ADAMTSL1: variants seen among roughly 807,000 people sequenced by gnomAD.
ADAMTSL1 encodes ADAMTS-like protein 1.
A neutral mutation model predicts 201.8 loss-of-function variants in ADAMTSL1; 126 were observed. The observed-to-expected ratio is 0.62, with a 90% CI of 0.54 to 0.72. ADAMTSL1 has a LOEUF of 0.72. ADAMTSL1 is among the 30% of genes least tolerant of loss of function. The pLI is 0.00. For missense variants in ADAMTSL1, 2,679 were observed against 2,277.8 expected (o/e 1.18, Z -3.59); for synonymous variants, 1,121 against 903.4 (o/e 1.24, Z -4.32).
chr9:18,684,899 T>G, intron 13 of ADAMTSL1, 99 bp downstream of exon 13: 1 of 1,451,296 alleles, frequency 6.9e-7, no homozygotes, highest in Middle Eastern at 1.9e-4. Flanking sequence ...CTGAACTAAG[T>G]GTAATCATCT....
intron 9 of ADAMTSL1, 21 bp downstream of exon 9, chr9:18,662,094 C>T: frequency 3.1e-6 from 5 of 1,607,204 alleles, no homozygotes; most frequent in Non-Finnish European, 3.4e-6. Context: ...TTTGCTAGTT[C>T]ATTTGTCATA....
chr9:18,629,254 A>G (rs1296704114), intron 5 of ADAMTSL1, among the ~76,000 whole-genome samples: 1 of 151,596 alleles, frequency 6.6e-6, no homozygotes. Flanking sequence ...TTGTAGTCTT[A>G]TTGTACTGGC....
chr9:18,810,804 T>C (rs1823453093), intron 20 of ADAMTSL1, among the ~76,000 whole-genome samples: 1 of 152,042 alleles, frequency 6.6e-6, no homozygotes, highest in African/African-American at 2.4e-5. Context: ...ATAGTTACAC[T>C]TTTCCCTATT....
intron 13 of ADAMTSL1, among the ~76,000 whole-genome samples, chr9:18,694,863 C>T (rs1255350482): frequency 1.3e-5 from 2 of 152,222 alleles, no homozygotes; most frequent in Non-Finnish European, 2.9e-5. Flanking sequence ...TCCATGAGGT[C>T]TCTGTTCCTG....
chr9:18,118,792 G>A (rs965369156), intron 1 of ADAMTSL1, among the ~76,000 whole-genome samples: 3 of 152,150 alleles, frequency 2.0e-5, no homozygotes, highest in African/African-American at 7.2e-5. Flanking sequence ...AAACGCATAT[G>A]CCTTTATTCG....
At position 18,637,445 on chromosome 9, in the gene ADAMTSL1, A is replaced by G. The variant is rs1332705; in HGVS notation, c.676+1428A>G. Among the ~76,000 whole-genome samples, 51 of 152,298 alleles carry G rather than the reference A, an allele frequency of 3.3e-4. No individual in the cohort carries two copies. In the South Asian group the frequency reaches 0.01, roughly 31 times the overall value. ...GGGGACTGACTCTTCATTGCGGAAG[A>G]AAGAACCCATAGGAGTAGATTTAAG... On this transcript the variant is annotated intron_variant, in intron 6 of 28. Transcript: ENST00000380548.
At chr9:18,099,355 A>ATATAT (rs1239180390) in intron 1 of ADAMTSL1, among the ~76,000 whole-genome samples, 48 of 45,546 alleles carry the variant, frequency 1.1e-3, no homozygotes, top group South Asian at 2.5e-3. Flanking sequence ...ATATATATAT[A>ATATAT]TTTTTTTTTT....
intron 19 of ADAMTSL1, among the ~76,000 whole-genome samples, chr9:18,782,541 G>A (rs890114887): frequency 2.0e-5 from 3 of 152,312 alleles, no homozygotes; most frequent in Non-Finnish European, 4.4e-5. Context: ...CTTTACGGCT[G>A]TATGCCCAGT....
At chr9:18,195,212 C>T (rs542333366) in intron 2 of ADAMTSL1, among the ~76,000 whole-genome samples, 1 of 152,226 alleles carries the variant, frequency 6.6e-6, no homozygotes, top group African/African-American at 2.4e-5. Context: ...TTCACTAGTT[C>T]TTCAATGGAA....
intron 2 of ADAMTSL1, among the ~76,000 whole-genome samples, chr9:18,267,782 A>AAAAAC (rs1554647422): frequency 4.0e-5 from 6 of 148,880 alleles, no homozygotes; most frequent in Admixed American, 3.6e-4. Context: ...AAACAAAAAC[A>AAAAAC]AAAACAAAAA....
At chr9:18,710,079 C>G (rs1256341721) in intron 14 of ADAMTSL1, among the ~76,000 whole-genome samples, 1 of 152,172 alleles carries the variant, frequency 6.6e-6, no homozygotes, top group African/African-American at 2.4e-5. Flanking sequence ...CATGGGCCAA[C>G]TCTACTGTGA....
intron 2 of ADAMTSL1, among the ~76,000 whole-genome samples, chr9:18,364,980 C>T (rs949850159): frequency 3.9e-5 from 6 of 152,098 alleles, no homozygotes; most frequent in Non-Finnish European, 1.5e-5. Context: ...CCTCCAACAC[C>T]GGGGATTACA....
At chr9:18,455,011 C>A (rs1050393526) in intron 2 of ADAMTSL1, among the ~76,000 whole-genome samples, 2 of 152,126 alleles carry the variant, frequency 1.3e-5, no homozygotes, top group East Asian at 3.9e-4. Context: ...TTGCACAATT[C>A]ATAGGGTGGG....
chr9:18,293,829 C>A (rs1226101308), intron 2 of ADAMTSL1, among the ~76,000 whole-genome samples: 1 of 152,092 alleles, frequency 6.6e-6, no homozygotes, highest in Non-Finnish European at 1.5e-5. Context: ...ATAGACTATA[C>A]AACTGAAGGA....
At chr9:18,302,728 C>G (rs1354429828) in intron 2 of ADAMTSL1, among the ~76,000 whole-genome samples, 1 of 152,134 alleles carries the variant, frequency 6.6e-6, no homozygotes, top group Non-Finnish European at 1.5e-5. Flanking sequence ...TCTTATGTTT[C>G]TTACTAATGC....
chr9:18,160,686 A>AATTAATTT (rs1827347058), intron 1 of ADAMTSL1, among the ~76,000 whole-genome samples: 1 of 151,148 alleles, frequency 6.6e-6, no homozygotes, highest in Non-Finnish European at 1.5e-5. Flanking sequence ...TTAATTAATT[A>AATTAATTT]ATTAATTTTT....
chr9:18,275,228 G>A (rs1374608511), intron 2 of ADAMTSL1, among the ~76,000 whole-genome samples: 1 of 152,026 alleles, frequency 6.6e-6, no homozygotes, highest in Non-Finnish European at 1.5e-5. Flanking sequence ...ACAAAATGAG[G>A]GTGAGAGAGA....
chr9:18,484,714 T>C, intron 1 of ADAMTSL1, among the ~76,000 whole-genome samples: 1 of 152,226 alleles, frequency 6.6e-6, no homozygotes, highest in East Asian at 1.9e-4. Flanking sequence ...GCTGGGACTT[T>C]TATTAAGCAG....
chr9:17,985,618 T>C (rs1486113034), intron 1 of ADAMTSL1, among the ~76,000 whole-genome samples: 2 of 152,108 alleles, frequency 1.3e-5, no homozygotes, highest in East Asian at 3.9e-4. Context: ...GTGGATGCAA[T>C]TTAGTAAAAA....
Sources: gnomAD v4.1 joint callset for allele counts (sites outside exome capture counted in the v4.1 genomes callset) on GRCh38, gnomAD v4.1.1 for gene constraint, MANE v1.5 for transcripts, NCBI Gene and HGNC (gene_info 2026-07-23, HGNC 2026-07-21) for gene names.